Variants in ASCC3 observed in about 807,000 individuals in gnomAD.
The protein encoded by ASCC3 is ASC-1 complex subunit P200.
A neutral mutation model predicts 256.3 loss-of-function variants in ASCC3; 158 were observed. That is an observed-to-expected ratio of 0.62 (90% CI 0.54 to 0.70). The LOEUF is 0.70. ASCC3 is among the 30% of genes least tolerant of loss of function. The pLI is 0.00. For synonymous variants in ASCC3, 948 were observed against 883.4 expected (o/e 1.07, Z -1.30); for missense variants, 2,259 against 2,626.0 (o/e 0.86, Z 3.05).
intron 17 of ASCC3, among the ~76,000 whole-genome samples, chr6:100,653,410 TG>T (rs1263892396): frequency 6.6e-6 from 1 of 151,884 alleles, no homozygotes; most frequent in Non-Finnish European, 1.5e-5. Context: ...GAGGCCAAGG[TG>T]GGCGGCTCAC....
At chr6:100,671,140 T>C (rs902476090) in intron 14 of ASCC3, among the ~76,000 whole-genome samples, 4 of 152,054 alleles carry the variant, frequency 2.6e-5, no homozygotes, top group African/African-American at 9.7e-5. Context: ...ACAATGGTTG[T>C]TGTACAAATC....
chr6:100,767,454 T>G (rs1252743589), intron 8 of ASCC3, 109 bp from the exon 9 acceptor site: 1 of 1,142,374 alleles, frequency 8.8e-7, no homozygotes, highest in Non-Finnish European at 1.3e-6. Context: ...AAAGACTAAT[T>G]TGTACTTTCA....
intron 30 of ASCC3, among the ~76,000 whole-genome samples, chr6:100,621,133 C>CA (rs1773932008): frequency 6.6e-6 from 1 of 151,974 alleles, no homozygotes; most frequent in African/African-American, 2.4e-5. Context: ...ACATATATAC[C>CA]ATGGAATACT....
chr6:100,525,304 G>T (rs1774526194), intron 37 of ASCC3, among the ~76,000 whole-genome samples: 1 of 150,668 alleles, frequency 6.6e-6, no homozygotes, highest in Non-Finnish European at 1.5e-5. Context: ...TTAAAAGAAA[G>T]AAATTTATTT....
chr6:100,588,910 C>T (rs1771843859), intron 36 of ASCC3, among the ~76,000 whole-genome samples: 1 of 152,028 alleles, frequency 6.6e-6, no homozygotes, highest in South Asian at 2.1e-4. Flanking sequence ...TTCTAAAAAG[C>T]ACCAACACAT....
intron 36 of ASCC3, among the ~76,000 whole-genome samples, chr6:100,576,322 T>C (rs1770856191): frequency 6.6e-6 from 1 of 152,080 alleles, no homozygotes; most frequent in Non-Finnish European, 1.5e-5. Context: ...AATTATTTTG[T>C]TAGTACTTAA....
At chr6:100,747,608 T>A (rs1475830729) in intron 10 of ASCC3, among the ~76,000 whole-genome samples, 1 of 152,056 alleles carries the variant, frequency 6.6e-6, no homozygotes, top group Non-Finnish European at 1.5e-5. Flanking sequence ...AACATAATAA[T>A]GTAAGTGAAA....
intron 13 of ASCC3, among the ~76,000 whole-genome samples, chr6:100,696,066 A>G (rs1050312102): frequency 2.0e-5 from 3 of 152,222 alleles, no homozygotes; most frequent in Non-Finnish European, 4.4e-5. Flanking sequence ...CACTTTATTT[A>G]CCATAATATA....
intron 37 of ASCC3, among the ~76,000 whole-genome samples, chr6:100,522,601 G>A (rs1774366420): frequency 6.6e-6 from 1 of 151,924 alleles, no homozygotes; most frequent in African/African-American, 2.4e-5. Context: ...AGAGACAGGG[G>A]AAGCAGAGTG....
intron 10 of ASCC3, among the ~76,000 whole-genome samples, chr6:100,756,854 T>C (rs953729304): frequency 6.6e-6 from 1 of 151,984 alleles, no homozygotes; most frequent in South Asian, 2.1e-4. Context: ...AATATAAAAT[T>C]TTTTTTTAAA....
intron 10 of ASCC3, among the ~76,000 whole-genome samples, chr6:100,758,603 G>A (rs1303443813): frequency 6.6e-6 from 1 of 152,142 alleles, no homozygotes; most frequent in Non-Finnish European, 1.5e-5. Flanking sequence ...ATTCCATGGT[G>A]TCTATATACC....
intron 30 of ASCC3, among the ~76,000 whole-genome samples, chr6:100,608,081 TATATATATCTATATACAC>T (rs1562160884): frequency 4.2e-5 from 3 of 72,106 alleles, no homozygotes; most frequent in African/African-American, 1.4e-4. Context: ...CATATATATG[TATATATATCTATATACAC>T]ATATATATGT....
At chr6:100,751,205 C>A (rs1476023399) in intron 10 of ASCC3, among the ~76,000 whole-genome samples, 1 of 151,920 alleles carries the variant, frequency 6.6e-6, no homozygotes, top group Non-Finnish European at 1.5e-5. Context: ...ATATTTCTGA[C>A]CCAAGTTTCT....
chr6:100,796,568 A>G (rs1472791088), intron 8 of ASCC3, among the ~76,000 whole-genome samples: 1 of 152,104 alleles, frequency 6.6e-6, no homozygotes, highest in African/African-American at 2.4e-5. Flanking sequence ...GTGAACCTGA[A>G]AAAAGAGGAA....
At chr6:100,686,236 T>C (rs1351793600) in intron 13 of ASCC3, among the ~76,000 whole-genome samples, 1 of 152,202 alleles carries the variant, frequency 6.6e-6, no homozygotes, top group Non-Finnish European at 1.5e-5. Context: ...GATCAACAAA[T>C]GTTAGCAGTT....
intron 20 of ASCC3, among the ~76,000 whole-genome samples, chr6:100,649,648 T>C (rs1433930935): frequency 6.6e-6 from 1 of 151,556 alleles, no homozygotes; most frequent in African/African-American, 2.4e-5. Flanking sequence ...ATGATATATT[T>C]AACACAAACA....
At chr6:100,676,974 C>T (rs1017983005) in intron 14 of ASCC3, among the ~76,000 whole-genome samples, 3 of 152,056 alleles carry the variant, frequency 2.0e-5, no homozygotes, top group Non-Finnish European at 4.4e-5. Context: ...AGGCATGAGG[C>T]TAAATTTCTA....
intron 4 of ASCC3, among the ~76,000 whole-genome samples, chr6:100,844,050 A>G (rs1772274956): frequency 6.6e-6 from 1 of 151,272 alleles, no homozygotes; most frequent in Non-Finnish European, 1.5e-5. Context: ...TAATTTGCCC[A>G]TAGTCGATAA....
At chr6:100,758,832 T>C (rs1281093090) in intron 10 of ASCC3, among the ~76,000 whole-genome samples, 1 of 152,200 alleles carries the variant, frequency 6.6e-6, no homozygotes, top group East Asian at 1.9e-4. Flanking sequence ...TCTTCCACAA[T>C]GGCTGAACTA....
Sources: allele counts gnomAD v4.1 joint callset (sites outside exome capture counted in the v4.1 genomes callset), GRCh38; gene constraint gnomAD v4.1.1; transcripts MANE v1.5; gene names NCBI Gene and HGNC (gene_info 2026-07-23, HGNC 2026-07-21).